SETBP1: variants seen among roughly 807,000 people sequenced by gnomAD.
The protein encoded by SETBP1 is SET-binding protein.
Under a neutral mutation model 101.0 loss-of-function variants are expected in SETBP1, and 9 were observed. The ratio of observed to expected loss-of-function variants is 0.09; its 90% CI spans 0.05 to 0.16. The LOEUF is 0.16. Among genes scored for constraint, SETBP1 ranks in the 10% least tolerant of loss-of-function variants. The pLI, the probability that SETBP1 is intolerant of heterozygous loss-of-function variation, is 1.00. For synonymous variants in SETBP1, 818 were observed against 788.5 expected, an observed-to-expected ratio of 1.04 and a Z score of -0.63; for missense variants, 1,858 against 2,033.8, an observed-to-expected ratio of 0.91 and a Z score of 1.66.
At chr18:45,005,261 A>G (rs919409613) in intron 4 of SETBP1, among the ~76,000 whole-genome samples, 1 of 152,218 alleles carries the variant, frequency 6.6e-6, no homozygotes, top group Non-Finnish European at 1.5e-5. Flanking sequence ...TTTTCAAACC[A>G]TTCTTAGACT....
At chr18:44,964,305 C>T (rs1056741758) in intron 4 of SETBP1, among the ~76,000 whole-genome samples, 7 of 152,140 alleles carry the variant, frequency 4.6e-5, no homozygotes, top group African/African-American at 1.7e-4. Flanking sequence ...GTAATCCCAG[C>T]ACTTTGGGAG....
chr18:44,817,819 G>T (rs994734510), intron 2 of SETBP1, among the ~76,000 whole-genome samples: 2 of 152,136 alleles, frequency 1.3e-5, no homozygotes, highest in South Asian at 2.1e-4. Context: ...TCTGTTGAAC[G>T]ATGAGGTGCA....
chr18:44,945,577 G>A (rs770375161), intron 3 of SETBP1, among the ~76,000 whole-genome samples: 1 of 152,184 alleles, frequency 6.6e-6, no homozygotes, highest in Non-Finnish European at 1.5e-5. Flanking sequence ...TGGGGAGAGA[G>A]GTGGGAGGCA....
At chr18:44,763,958 C>G (rs1278264313) in intron 2 of SETBP1, among the ~76,000 whole-genome samples, 1 of 152,200 alleles carries the variant, frequency 6.6e-6, no homozygotes, top group Non-Finnish European at 1.5e-5. Flanking sequence ...ATCATTTACA[C>G]ACATAGAACA....
At chr18:44,777,317 A>G (rs1003049738) in intron 2 of SETBP1, among the ~76,000 whole-genome samples, 5 of 152,278 alleles carry the variant, frequency 3.3e-5, no homozygotes, top group African/African-American at 1.2e-4. Flanking sequence ...CTTGGCCACT[A>G]TCTCACCATT....
intron 2 of SETBP1, among the ~76,000 whole-genome samples, chr18:44,718,406 AGT>A (rs1203199959): frequency 1.3e-5 from 2 of 152,276 alleles, no homozygotes; most frequent in South Asian, 4.1e-4. Flanking sequence ...GAGCGGGAGA[AGT>A]GTCAAAAACA....
chr18:44,788,425 C>T (rs2071291504), intron 2 of SETBP1, among the ~76,000 whole-genome samples: 1 of 152,198 alleles, frequency 6.6e-6, no homozygotes, highest in Non-Finnish European at 1.5e-5. Context: ...TGCACAACCT[C>T]CTAAGCTATG....
chr18:44,917,909 C>T (rs1257882287), intron 3 of SETBP1, among the ~76,000 whole-genome samples: 1 of 151,842 alleles, frequency 6.6e-6, no homozygotes, highest in East Asian at 1.9e-4. Flanking sequence ...GGAAAGGAAG[C>T]CCTGAGCATG....
chr18:44,768,151 T>G (rs1306625479), intron 2 of SETBP1, among the ~76,000 whole-genome samples: 1 of 152,188 alleles, frequency 6.6e-6, no homozygotes, highest in African/African-American at 2.4e-5. Flanking sequence ...TCTGGGCTGG[T>G]GGTCTTTAAG....
At chr18:44,837,667 G>A (rs1260745823) in intron 2 of SETBP1, among the ~76,000 whole-genome samples, 1 of 152,196 alleles carries the variant, frequency 6.6e-6, no homozygotes, top group African/African-American at 2.4e-5. Flanking sequence ...GCTGCAGGAA[G>A]GAGCTGGGAG....
chr18:44,877,385 C>T (rs184667217), intron 3 of SETBP1: 117 of 980,588 alleles, frequency 1.2e-4, no homozygotes, highest in Non-Finnish European at 1.3e-4. Context: ...ACTGAGCTTT[C>T]CTAGTTTTAA....
In SETBP1 at chr18:44,952,301, G is replaced by A; in HGVS notation, c.2961G>A (p.Arg987=). The change falls in exon 4 of 6, where the codon CGG becomes CGA. Residue 987 remains arginine (R), a synonymous_variant. Coordinates refer to ENST00000649279, the MANE Select transcript of SETBP1 (RefSeq NM_015559.3). ...YHENPYPSIF[R]INFDHYYPVP... ...AGAATCCATATCCCAGCATTTTTCG[G>A]ATTAATTTTGATCACTATTACCCGG... The A allele has an allele frequency of 6.2e-7, 1 of 1,614,026 alleles. No individual in the cohort carries two copies. The highest frequency in any genetic ancestry group is 8.5e-7 in the Non-Finnish European group (1 of 1,180,008).
rs558269245 is a variant in SETBP1, at chr18:44,875,057, G to A, written c.540+5774G>A. Among the ~76,000 whole-genome samples, 7 of 152,314 alleles carry A rather than the reference G, an allele frequency of 4.6e-5. No individual in the cohort carries two copies. In the South Asian group the frequency reaches 1.4e-3, roughly 32 times the overall value. ...ACACTGGGAAATGGAAGGCAACTGG[G>A]GGAGTGAGAGTCTTCCGACAGCTCT... On this transcript the variant is annotated intron_variant, in intron 3 of 5. Coordinates refer to ENST00000649279, the MANE Select transcript of SETBP1 (RefSeq NM_015559.3).
chr18:44,867,871 T>C (rs1485412104), intron 2 of SETBP1, among the ~76,000 whole-genome samples: 1 of 152,228 alleles, frequency 6.6e-6, no homozygotes, highest in African/African-American at 2.4e-5. Context: ...TTCTGAAGGC[T>C]GGAGGCCCTG....
chr18:44,772,336 G>C (rs1363632202), intron 2 of SETBP1, among the ~76,000 whole-genome samples: 1 of 152,120 alleles, frequency 6.6e-6, no homozygotes, highest in Admixed American at 6.5e-5. Context: ...CTTTAAATAA[G>C]AAAAAGGAAA....
chr18:44,995,962 A>G (rs1196407380), intron 4 of SETBP1, among the ~76,000 whole-genome samples: 2 of 152,216 alleles, frequency 1.3e-5, no homozygotes, highest in African/African-American at 4.8e-5. Context: ...ATAGGCCATA[A>G]CACTTACCAA....
intron 2 of SETBP1, among the ~76,000 whole-genome samples, chr18:44,710,450 G>T (rs1334038639): frequency 4.1e-5 from 5 of 123,400 alleles, no homozygotes; most frequent in South Asian, 2.7e-4. Flanking sequence ...CATTTTAGGA[G>T]TTTTTTTTTT....
intron 2 of SETBP1, among the ~76,000 whole-genome samples, chr18:44,831,490 A>G (rs1257136001): frequency 6.6e-6 from 1 of 152,226 alleles, no homozygotes; most frequent in Non-Finnish European, 1.5e-5. Flanking sequence ...TAATTACATT[A>G]GACTCAGATA....
At chr18:44,729,677 G>A (rs1312497255) in intron 2 of SETBP1, among the ~76,000 whole-genome samples, 1 of 152,194 alleles carries the variant, frequency 6.6e-6, no homozygotes, top group African/African-American at 2.4e-5. Context: ...TGTGGGCTTT[G>A]GAATCTGTTA....
Sources: allele counts gnomAD v4.1 joint callset (sites outside exome capture counted in the v4.1 genomes callset), GRCh38; gene constraint gnomAD v4.1.1; transcripts MANE v1.5; gene names NCBI Gene and HGNC (gene_info 2026-07-23, HGNC 2026-07-21).